The following PKIG variants were observed in gnomAD, a reference collection of about 807,000 sequenced individuals.
PKIG encodes the protein cAMP-dependent protein kinase inhibitor gamma.
PKIG carries 1 observed loss-of-function variant against 6.8 expected under a neutral mutation model. That is an observed-to-expected ratio of 0.15 (90% CI 0.05 to 0.69). The LOEUF (loss-of-function observed/expected upper bound fraction) is 0.69. Among genes scored for constraint, PKIG ranks in the 30% least tolerant of loss-of-function variants. The probability of loss-of-function intolerance (pLI) is 0.82; values close to 1 mark genes in which losing one functional copy is unlikely to be tolerated. For synonymous variants in PKIG, 39 were observed against 43.0 expected, an observed-to-expected ratio of 0.91 and a Z score of 0.36; for missense variants, 77 against 104.0, an observed-to-expected ratio of 0.74 and a Z score of 1.13.
intron 1 of PKIG, among the ~76,000 whole-genome samples, chr20:44,544,925 C>CTTTTTTTTTTTTTTTTTTTTTTTTTT (rs796482642): frequency 7.8e-5 from 5 of 64,372 alleles, no homozygotes; most frequent in Admixed American, 1.8e-4. Context: ...TTCCTTCTTT[C>CTTTTTTTTTTTTTTTTTTTTTTTTTT]TTTTTTTTTT....
chr20:44,597,657 CA>C (rs2065086145), intron 2 of PKIG, among the ~76,000 whole-genome samples: 1 of 152,228 alleles, frequency 6.6e-6, no homozygotes, highest in Non-Finnish European at 1.5e-5. Flanking sequence ...AGCAGCAGAA[CA>C]GTCCATCTGG....
At chr20:44,583,469 G>A (rs2064964659) in intron 1 of PKIG, among the ~76,000 whole-genome samples, 1 of 151,684 alleles carries the variant, frequency 6.6e-6, no homozygotes. Context: ...GGCCCTTGCT[G>A]TACCCAGGTC....
At chr20:44,615,474 A>C (rs1555842013) in intron 3 of PKIG, among the ~76,000 whole-genome samples, 1 of 152,186 alleles carries the variant, frequency 6.6e-6, no homozygotes, top group Non-Finnish European at 1.5e-5. Flanking sequence ...TGACAAAAGG[A>C]AACAGCATCC....
chr20:44,552,439 A>G (rs911021732), intron 1 of PKIG, among the ~76,000 whole-genome samples: 2 of 152,150 alleles, frequency 1.3e-5, no homozygotes, highest in African/African-American at 4.8e-5. Context: ...AGTCTCATTT[A>G]CTTCCAATTT....
At chr20:44,595,082 A>G (rs2065063991) in intron 2 of PKIG, among the ~76,000 whole-genome samples, 1 of 152,200 alleles carries the variant, frequency 6.6e-6, no homozygotes, top group Non-Finnish European at 1.5e-5. Flanking sequence ...CTTCTGTTCC[A>G]GCTGTGCTGG....
exon 1 of PKIG, chr20:44,531,945 G>C (rs961475535): frequency 6.6e-6 from 1 of 152,292 alleles, no homozygotes; most frequent in East Asian, 1.9e-4. Flanking sequence ...CTGCGGACCG[G>C]CGGCCCAGGC....
intron 2 of PKIG, among the ~76,000 whole-genome samples, chr20:44,596,548 G>T (rs1332627258): frequency 6.6e-6 from 1 of 152,226 alleles, no homozygotes; most frequent in Non-Finnish European, 1.5e-5. Flanking sequence ...ATGGTCCCTG[G>T]CTTGCAAACA....
chr20:44,549,309 C>T (rs564308348), intron 1 of PKIG, among the ~76,000 whole-genome samples: 4 of 152,128 alleles, frequency 2.6e-5, no homozygotes, highest in Non-Finnish European at 5.9e-5. Flanking sequence ...TGAGCAATAT[C>T]CTGAAGCTAT....
At chr20:44,595,865 G>A (rs1049112630) in intron 2 of PKIG, among the ~76,000 whole-genome samples, 6 of 152,102 alleles carry the variant, frequency 3.9e-5, no homozygotes, top group Admixed American at 2.0e-4. Context: ...GTACAACCAC[G>A]AAAATGCATG....
chr20:44,554,875 C>T (rs955857615), intron 1 of PKIG, among the ~76,000 whole-genome samples: 1 of 152,106 alleles, frequency 6.6e-6, no homozygotes, highest in Non-Finnish European at 1.5e-5. Flanking sequence ...TCCCCCAACT[C>T]GATAAGATAC....
At position 44,567,489 on chromosome 20, in the gene PKIG, A is replaced by G. The variant is rs569193905; in HGVS notation, c.-240-15096A>G. Among the ~76,000 whole-genome samples the G allele has an allele frequency of 6.6e-5, 10 of 152,296 alleles. No homozygotes were observed. The South Asian group carries it at 1.5e-3, about 22-fold the overall frequency. Reference sequence around the variant, plus strand: ...TATTTTATTTTCCTTTTCTTCAGCTATCTACTTTGCTCCTTTCCTTCTCCT... The same window carrying G: ...TATTTTATTTTCCTTTTCTTCAGCTGTCTACTTTGCTCCTTTCCTTCTCCT... On this transcript the variant is annotated intron_variant, in intron 1 of 4. Coordinates refer to the PKIG transcript ENST00000372887.
At chr20:44,617,213 G>T (rs1356190789) in intron 3 of PKIG, among the ~76,000 whole-genome samples, 2 of 152,196 alleles carry the variant, frequency 1.3e-5, no homozygotes, top group Non-Finnish European at 1.5e-5. Flanking sequence ...GAAGGGCTTA[G>T]CCTGAAGGAT....
chr20:44,535,706 T>TTACATTATATGGTTAAC (rs1360872092), intron 1 of PKIG, among the ~76,000 whole-genome samples: 2 of 152,198 alleles, frequency 1.3e-5, no homozygotes, highest in Non-Finnish European at 2.9e-5. Context: ...TGTGGTTAGG[T>TTACATTATATGGTTAAC]GTAAAAAGCA....
intron 1 of PKIG, among the ~76,000 whole-genome samples, chr20:44,584,919 T>C (rs1172343769): frequency 6.6e-6 from 1 of 152,110 alleles, no homozygotes; most frequent in African/African-American, 2.4e-5. Context: ...AGATGGGGTC[T>C]CTTGGCACTT....
intron 1 of PKIG, among the ~76,000 whole-genome samples, chr20:44,554,904 T>C (rs1024152527): frequency 6.6e-6 from 1 of 152,222 alleles, no homozygotes; most frequent in Non-Finnish European, 1.5e-5. Context: ...AATCATCTTA[T>C]TGATTTACTT....
At chr20:44,595,110 G>A (rs1324374754) in intron 2 of PKIG, among the ~76,000 whole-genome samples, 1 of 152,242 alleles carries the variant, frequency 6.6e-6, no homozygotes, top group African/African-American at 2.4e-5. Flanking sequence ...GAGGTCCAGA[G>A]CCTCCAAACC....
At chr20:44,569,901 T>C (rs2064840838) in intron 1 of PKIG, among the ~76,000 whole-genome samples, 1 of 152,132 alleles carries the variant, frequency 6.6e-6, no homozygotes, top group Non-Finnish European at 1.5e-5. Context: ...GGCCAAGGCA[T>C]GAGGATTACT....
intron 1 of PKIG, among the ~76,000 whole-genome samples, chr20:44,561,586 G>C (rs1466007830): frequency 6.6e-6 from 1 of 152,142 alleles, no homozygotes; most frequent in African/African-American, 2.4e-5. Flanking sequence ...AAACGATCCA[G>C]TGACAAGTTC....
intron 1 of PKIG, among the ~76,000 whole-genome samples, chr20:44,549,910 ATAT>A (rs1801316229): frequency 6.6e-6 from 1 of 152,024 alleles, no homozygotes; most frequent in African/African-American, 2.4e-5. Context: ...TTCTTTGATA[ATAT>A]TATATCTCTT....
Sources: allele counts gnomAD v4.1 joint callset (sites outside exome capture counted in the v4.1 genomes callset), GRCh38; gene constraint gnomAD v4.1.1; transcripts MANE v1.5; gene names NCBI Gene and HGNC (gene_info 2026-07-23, HGNC 2026-07-21).